Variants in THSD7A observed in about 807,000 individuals in gnomAD.
THSD7A encodes thrombospondin type-1 domain-containing protein 7A.
In THSD7A, 96 loss-of-function variants were observed where a neutral mutation model predicts 231.3. The observed-to-expected ratio is 0.41, with a 90% CI of 0.35 to 0.49. The LOEUF (loss-of-function observed/expected upper bound fraction) is 0.49, where lower values mean the gene tolerates loss of function less well. Ranked by LOEUF, THSD7A falls within the 20% of genes least tolerant of loss-of-function variation. THSD7A has a pLI of 0.05. For synonymous variants in THSD7A, 940 were observed against 743.3 expected (o/e 1.26, Z -4.30); for missense variants, 2,290 against 2,070.2 (o/e 1.11, Z -2.06).
intron 11 of THSD7A, among the ~76,000 whole-genome samples, chr7:11,458,269 T>C (rs1785375526): frequency 6.6e-6 from 1 of 152,110 alleles, no homozygotes; most frequent in South Asian, 2.1e-4. Context: ...GTAAATAATA[T>C]GGAGTTCTGA....
chr7:11,614,774 G>T (rs1017105675), intron 2 of THSD7A, among the ~76,000 whole-genome samples: 1 of 151,728 alleles, frequency 6.6e-6, no homozygotes, highest in African/African-American at 2.4e-5. Flanking sequence ...AGAGTATGTT[G>T]GTGGTGAATA....
At chr7:11,794,225 T>A (rs1259806243) in intron 1 of THSD7A, among the ~76,000 whole-genome samples, 1 of 151,994 alleles carries the variant, frequency 6.6e-6, no homozygotes, top group African/African-American at 2.4e-5. Flanking sequence ...TTGTCTTCAA[T>A]ATAACACTAA....
chr7:11,786,127 A>C (rs1489907777), intron 1 of THSD7A, among the ~76,000 whole-genome samples: 2 of 148,394 alleles, frequency 1.3e-5, no homozygotes, highest in Non-Finnish European at 2.9e-5. Context: ...CAGATCCTTC[A>C]TCCCAGTCTC....
At chr7:11,519,226 A>G (rs558496485) in intron 6 of THSD7A, among the ~76,000 whole-genome samples, 1 of 152,294 alleles carries the variant, frequency 6.6e-6, no homozygotes, top group East Asian at 1.9e-4. Flanking sequence ...GCAGATCACA[A>G]AAGAGAGCAC....
rs551848804 is a variant in THSD7A, at chr7:11,541,578, C to T, written c.1663G>A (p.Val555Ile). The change falls in exon 6 of 28, where the codon GTA becomes ATA. Residue 555 changes from valine (V) to isoleucine (I), a missense_variant. Val to Ile is a conservative substitution (Grantham distance 29, BLOSUM62 3). Transcript: ENST00000423059. The stretch of plus-strand genomic sequence containing the variant: ...AGTAAGTGAGGGCAGTTTCCGGTTA[C>T]CCCAGAGCCTCCAGTGGGCTCATTG... ...ITNEPTGGSG[V>I]TGNCPHLLEA... 7 of 1,613,936 alleles carry T rather than the reference C, an allele frequency of 4.3e-6. No individual in the cohort carries two copies. The highest frequency in any genetic ancestry group is 2.7e-5 in the African/African-American group (2 of 75,026).
intron 1 of THSD7A, among the ~76,000 whole-genome samples, chr7:11,824,556 T>C (rs1206534857): frequency 6.6e-6 from 1 of 152,118 alleles, no homozygotes; most frequent in Non-Finnish European, 1.5e-5. Context: ...ACAAACCAGA[T>C]AGTTGTGTAT....
chr7:11,801,471 G>A (rs116515968), intron 1 of THSD7A, among the ~76,000 whole-genome samples: 2 of 152,166 alleles, frequency 1.3e-5, no homozygotes, highest in Non-Finnish European at 2.9e-5. Context: ...CTTGTCCAAG[G>A]TAACAACGTT....
chr7:11,489,775 T>C (rs1786812421), intron 6 of THSD7A, among the ~76,000 whole-genome samples: 2 of 152,122 alleles, frequency 1.3e-5, no homozygotes. Flanking sequence ...AATCTTCTCC[T>C]GTTTTAATAA....
intron 13 of THSD7A, among the ~76,000 whole-genome samples, chr7:11,431,495 G>GTT (rs1453780852): frequency 6.6e-6 from 1 of 152,102 alleles, no homozygotes; most frequent in African/African-American, 2.4e-5. Context: ...TTGAAAATCA[G>GTT]TTGACCACAG....
At chr7:11,782,764 C>T (rs1287194015) in intron 1 of THSD7A, among the ~76,000 whole-genome samples, 4 of 152,054 alleles carry the variant, frequency 2.6e-5, no homozygotes, top group African/African-American at 9.7e-5. Flanking sequence ...GCACCGTTGG[C>T]TATAGAAAGT....
At chr7:11,793,814 G>C (rs371526346) in intron 1 of THSD7A, among the ~76,000 whole-genome samples, 2 of 151,764 alleles carry the variant, frequency 1.3e-5, no homozygotes, top group African/African-American at 4.8e-5. Context: ...ATGTTGCTTT[G>C]GACTTCCAAT....
intron 9 of THSD7A, among the ~76,000 whole-genome samples, chr7:11,468,724 C>T (rs1489365491): frequency 6.6e-6 from 1 of 151,988 alleles, no homozygotes; most frequent in East Asian, 1.9e-4. Flanking sequence ...GTCTCAGTGA[C>T]TTGGGAGGCT....
Position 11,406,501 on chromosome 7 carries a change from T to C in THSD7A, c.4063-27A>G, listed in dbSNP as rs73066781. On this transcript the variant is annotated intron_variant, in intron 21 of 27. Transcript: ENST00000423059. The surrounding 1 kb of genome is among the most constrained non-coding windows in gnomAD (Gnocchi z 4.7). ...TGGAATGGAGGAAGAAATAACTAAT[T>C]AGAAAAAGAGAAATACTTCATTAGA... is the stretch of plus-strand genomic sequence containing the variant. 3 of 1,579,086 alleles carry C rather than the reference T, an allele frequency of 1.9e-6. No homozygotes were observed. Among genetic ancestry groups the C allele is most frequent in the Non-Finnish European group, 2.6e-6 (3 of 1,164,160 alleles).
chr7:11,568,667 A>C, intron 4 of THSD7A, among the ~76,000 whole-genome samples: 1 of 149,494 alleles, frequency 6.7e-6, no homozygotes, highest in Admixed American at 6.7e-5. Flanking sequence ...AAAATCTGGA[A>C]CAAGGTAAAG....
chr7:11,513,581 T>C (rs1787907600), intron 6 of THSD7A, among the ~76,000 whole-genome samples: 5 of 152,084 alleles, frequency 3.3e-5, no homozygotes, highest in Admixed American at 2.6e-4. Context: ...TTTATAGAAA[T>C]ACCCAGAACT....
intron 1 of THSD7A, among the ~76,000 whole-genome samples, chr7:11,811,531 T>G (rs955890311): frequency 6.6e-6 from 1 of 152,184 alleles, no homozygotes; most frequent in Admixed American, 6.5e-5. Context: ...CTGACAGTCC[T>G]AATTTTCATC....
intron 1 of THSD7A, among the ~76,000 whole-genome samples, chr7:11,660,979 C>G (rs1365943660): frequency 6.6e-6 from 1 of 151,398 alleles, no homozygotes; most frequent in Non-Finnish European, 1.5e-5. Flanking sequence ...TGATTTGTCT[C>G]AACTTTTACC....
intron 1 of THSD7A, among the ~76,000 whole-genome samples, chr7:11,815,524 G>GA (rs1784663645): frequency 6.6e-6 from 1 of 151,746 alleles, no homozygotes; most frequent in South Asian, 2.1e-4. Flanking sequence ...AACTGCAGAG[G>GA]AAAAAATAAA....
chr7:11,778,585 G>A (rs149924207), intron 1 of THSD7A, among the ~76,000 whole-genome samples: 326 of 152,176 alleles, frequency 2.1e-3, no homozygotes, highest in African/African-American at 7.3e-3. Flanking sequence ...TTAGAAATTC[G>A]TCAGCTTAGA....
Sources: allele counts gnomAD v4.1 joint callset (sites outside exome capture counted in the v4.1 genomes callset), GRCh38; gene constraint gnomAD v4.1.1; non-coding constraint Gnocchi (gnomAD v3.1); transcripts MANE v1.5; gene names NCBI Gene and HGNC (gene_info 2026-07-23, HGNC 2026-07-21).